Variants in APAF1 observed in about 807,000 individuals in gnomAD.
The protein encoded by APAF1 is apoptotic protease-activating factor 1.
Under a neutral mutation model 152.4 loss-of-function variants are expected in APAF1, and 91 were observed. The ratio of observed to expected loss-of-function variants is 0.60; its 90% CI spans 0.50 to 0.71. The LOEUF is 0.71. Among genes scored for constraint, APAF1 ranks in the 30% least tolerant of loss-of-function variants. APAF1 has a pLI of 0.00. For missense variants in APAF1, 1,283 were observed against 1,472.0 expected (o/e 0.87, Z 2.10); for synonymous variants, 484 against 494.1 (o/e 0.98, Z 0.27).
intron 17 of APAF1, among the ~76,000 whole-genome samples, chr12:98,703,082 A>G (rs1260121339): frequency 1.3e-5 from 2 of 152,172 alleles, no homozygotes; most frequent in South Asian, 4.1e-4. Flanking sequence ...TCTGTATGTT[A>G]ATTGGGCCAG....
intron 1 of APAF1, among the ~76,000 whole-genome samples, chr12:98,647,506 GGGATTACA>G (rs1298238175): frequency 6.6e-6 from 1 of 151,788 alleles, no homozygotes; most frequent in African/African-American, 2.4e-5. Flanking sequence ...CCGAGCAGCT[GGGATTACA>G]GGCACCTGCC....
At chr12:98,659,035 A>T in intron 4 of APAF1, 125 bp from the exon 5 acceptor site, 2 of 934,102 alleles carry the variant, frequency 2.1e-6, no homozygotes, top group African/African-American at 3.3e-5. Flanking sequence ...TTCTACTCTA[A>T]ATCAAGAGAA....
chr12:98,731,316 C>A (rs1034078907), intron 26 of APAF1, among the ~76,000 whole-genome samples: 2 of 152,202 alleles, frequency 1.3e-5, no homozygotes, highest in African/African-American at 4.8e-5. Flanking sequence ...CACATTGACA[C>A]ATCATTATCA....
chr12:98,730,067 T>C (rs1470069839), intron 26 of APAF1, among the ~76,000 whole-genome samples: 2 of 152,240 alleles, frequency 1.3e-5, no homozygotes, highest in Non-Finnish European at 2.9e-5. Context: ...GTATCACATG[T>C]ACCCCCAAAA....
chr12:98,705,076 C>T (rs1460950601), intron 18 of APAF1, among the ~76,000 whole-genome samples: 1 of 151,962 alleles, frequency 6.6e-6, no homozygotes, highest in Non-Finnish European at 1.5e-5. Flanking sequence ...TTTAGATCTC[C>T]TAGGAGATCT....
At chr12:98,716,928 C>T (rs747408213) in intron 22 of APAF1, among the ~76,000 whole-genome samples, 22 of 151,782 alleles carry the variant, frequency 1.4e-4, no homozygotes, top group East Asian at 3.9e-4. Flanking sequence ...TGCAGTGGCG[C>T]GATCTTGGCT....
chr12:98,689,378 A>G (rs1381545128), intron 16 of APAF1, among the ~76,000 whole-genome samples: 1 of 150,140 alleles, frequency 6.7e-6, no homozygotes, highest in Non-Finnish European at 1.5e-5. Context: ...CTTCGATTTC[A>G]CTTGCCATAT....
chr12:98,680,645 G>T (rs562360698), intron 14 of APAF1, among the ~76,000 whole-genome samples: 1 of 152,146 alleles, frequency 6.6e-6, no homozygotes, highest in African/African-American at 2.4e-5. Context: ...CCAATTCCTG[G>T]GCTCAAGTGA....
intron 16 of APAF1, among the ~76,000 whole-genome samples, chr12:98,694,657 G>A (rs1372606406): frequency 6.6e-6 from 1 of 151,978 alleles, no homozygotes; most frequent in Non-Finnish European, 1.5e-5. Context: ...ATGGGCATTA[G>A]TAATAGGGTT....
At position 98,727,293 on chromosome 12, in the gene APAF1, A is replaced by C. The variant is rs928100789; in HGVS notation, c.3577A>C (p.Ile1193Leu). 3.1e-6 allele frequency: 5 copies of C among 1,614,170 alleles called. No homozygotes were observed. Among genetic ancestry groups the C allele is most frequent in the Admixed American group, 3.3e-5 (2 of 60,016 alleles). Residue 1193 changes from isoleucine to leucine, a missense_variant, in exon 26 of 27, where the codon ATC becomes CTC. Coordinates refer to ENST00000551964, the MANE Select transcript of APAF1 (RefSeq NM_181861.2). ...CTTTTCTCCAGATGGCAAAATGCTTATCTCTGCTGGAGGATATATTAAGGT... is the reference window on the plus strand; with the variant it reads ...CTTTTCTCCAGATGGCAAAATGCTTCTCTCTGCTGGAGGATATATTAAGGT... ...LCFSPDGKML[I>L]SAGGYIKWWN...
At chr12:98,703,530 G>A (rs768268017) in intron 18 of APAF1, 31 bp downstream of exon 18, 72 of 1,613,692 alleles carry the variant, frequency 4.5e-5, no homozygotes, top group Non-Finnish European at 5.9e-5. Context: ...TGTGAAGCCT[G>A]GGTTTCCAGA....
At chr12:98,692,768 A>G (rs1413701990) in intron 16 of APAF1, among the ~76,000 whole-genome samples, 7 of 152,118 alleles carry the variant, frequency 4.6e-5, no homozygotes, top group African/African-American at 1.4e-4. Context: ...GTGTATATGT[A>G]CCATATTTCC....
rs1294233498 is a variant in APAF1 at position 98,715,498 on chromosome 12, G to T, written c.3030G>T (p.Gln1010His). ...ACAAGAAAACTGTATGGCACATCCA[G>T]TTCACAGCCGATGAGAAGACTCTTA... is the stretch of plus-strand genomic sequence containing the variant. ...FQHKKTVWHI[Q>H]FTADEKTLIS... The change falls in exon 22 of 27, where the codon CAG (glutamine) becomes CAT (histidine). Residue 1010 changes from glutamine (Q) to histidine (H), a missense_variant. Gln to His is a conservative substitution (Grantham distance 24, BLOSUM62 0). Transcript: ENST00000551964. The T allele has an allele frequency of 1.2e-6, 2 of 1,613,658 alleles. No homozygotes were observed. The highest frequency in any genetic ancestry group is 2.7e-5 in the African/African-American group (2 of 74,946).
chr12:98,665,255 C>CATATATATATAT (rs35804742), intron 7 of APAF1, among the ~76,000 whole-genome samples: 211 of 97,818 alleles, frequency 2.2e-3, no homozygotes, highest in African/African-American at 5.9e-3. Flanking sequence ...TAGACTGGCG[C>CATATATATATAT]ATATATATAT....
chr12:98,648,526 C>G, intron 2 of APAF1, 29 bp downstream of exon 2: 2 of 1,610,008 alleles, frequency 1.2e-6, no homozygotes, highest in South Asian at 2.2e-5. Context: ...GTCCACACTT[C>G]CTTAAAAATT....
intron 24 of APAF1, among the ~76,000 whole-genome samples, chr12:98,724,105 C>T (rs1279514029): frequency 2.0e-5 from 3 of 152,152 alleles, no homozygotes; most frequent in Non-Finnish European, 2.9e-5. Flanking sequence ...ATATAATTGA[C>T]GTGTGTCTAA....
rs552639887 is a variant in APAF1 at position 98,665,538 on chromosome 12, ATTTTT to A, written c.956-9_956-5del. 9 of 1,458,262 alleles carry A rather than the reference ATTTTT, an allele frequency of 6.2e-6. No homozygotes were observed. Among genetic ancestry groups the A allele is most frequent in the Non-Finnish European group, 8.6e-6 (9 of 1,052,066 alleles). 90.3% of individuals were successfully genotyped at this position (1,458,262 alleles called of 1,614,324 possible). A position where few individuals can be genotyped will look rare whatever the true frequency, so the allele number is the denominator to read the frequency against. ...AGGATGGTATTAGCATAGTGACTTCATTTTTTTTTTAAAGGCTCTCCCCTTGTAGT... is the reference window on the plus strand; with the variant it reads ...AGGATGGTATTAGCATAGTGACTTCATTTTTAAAGGCTCTCCCCTTGTAGT... On this transcript the variant is annotated splice_polypyrimidine_tract_variant and intron_variant, in intron 7 of 26. Coordinates refer to ENST00000551964, the MANE Select transcript of APAF1 (RefSeq NM_181861.2).
chr12:98,645,488 C>T lies in APAF1; in HGVS notation c.-389C>T, dbSNP rs921921760. 1 of 152,364 alleles carries T rather than the reference C, an allele frequency of 6.6e-6. No individual in the cohort carries two copies. The highest frequency in any genetic ancestry group is 2.4e-5 in the African/African-American group (1 of 41,464). The allele number at this position is 152,364 out of a possible 1,614,324, so 9.4% of individuals were successfully genotyped here. On this transcript the variant is annotated 5_prime_UTR_variant, in exon 1 of 27. Coordinates refer to ENST00000551964, the MANE Select transcript of APAF1 (RefSeq NM_181861.2). Reference sequence around the variant, plus strand: ...GGGCGCCACAGGCCGGGAAGACCTCCTCCCTTTGTGTCCAGTAGTGGGGTC... The same window carrying T: ...GGGCGCCACAGGCCGGGAAGACCTCTTCCCTTTGTGTCCAGTAGTGGGGTC...
chr12:98,679,618 A>T (rs1034136074), intron 13 of APAF1, among the ~76,000 whole-genome samples: 9 of 152,190 alleles, frequency 5.9e-5, no homozygotes, highest in Admixed American at 1.3e-4. Context: ...CCCTTCGGGG[A>T]GCCCAGACTT....
Sources: gnomAD v4.1 joint callset for allele counts (sites outside exome capture counted in the v4.1 genomes callset) on GRCh38, gnomAD v4.1.1 for gene constraint, MANE v1.5 for transcripts, NCBI Gene and HGNC (gene_info 2026-07-23, HGNC 2026-07-21) for gene names.